CRACDL: variants seen among roughly 807,000 people sequenced by gnomAD.
The protein encoded by CRACDL is CRACD-like protein.
In CRACDL, 26 loss-of-function variants were observed where a neutral mutation model predicts 70.6. The observed-to-expected ratio is 0.37, with a 90% CI of 0.27 to 0.51. CRACDL has a LOEUF of 0.51. Among genes scored for constraint, CRACDL ranks in the 20% least tolerant of loss-of-function variants. The pLI is 0.94. For missense variants in CRACDL, 1,283 were observed against 1,376.9 expected (o/e 0.93, Z 1.08); for synonymous variants, 618 against 615.2 (o/e 1.00, Z -0.07).
chr2:98,888,577 C>A (rs1707857246), intron 1 of CRACDL, among the ~76,000 whole-genome samples: 1 of 152,008 alleles, frequency 6.6e-6, no homozygotes, highest in African/African-American at 2.4e-5. Context: ...TGTTGAACAT[C>A]AAAGGAGCAA....
chr2:98,919,344 T>C (rs944549731), intron 1 of CRACDL, among the ~76,000 whole-genome samples: 1 of 152,170 alleles, frequency 6.6e-6, no homozygotes, highest in East Asian at 1.9e-4. Context: ...TTCAGGACAA[T>C]TTTTTCCTTT....
chr2:98,849,876 C>A (rs77169526), intron 1 of CRACDL, among the ~76,000 whole-genome samples: 1,905 of 152,270 alleles, frequency 0.013, 92 homozygotes, highest in East Asian at 0.08. Context: ...GGGGTGGCAT[C>A]TTCACCCTAC....
rs75914802 is a variant in CRACDL at position 98,809,379 on chromosome 2, G to C, written c.2417-11842C>G. Among the ~76,000 whole-genome samples, 109 of 152,144 alleles carry C rather than the reference G, an allele frequency of 7.2e-4. 1 individual carries two copies. In the East Asian group the frequency reaches 0.019, roughly 26 times the overall value. On this transcript the variant is annotated intron_variant, in intron 7 of 9. Transcript: ENST00000397899. The stretch of plus-strand genomic sequence containing the variant: ...CTTGTCCTCTTGGCTGGCTCCCCAT[G>C]TGGGGCTCTGGGAGCACAAGTGGGT...
chr2:98,898,778 C>T (rs762317354), intron 1 of CRACDL, among the ~76,000 whole-genome samples: 27 of 152,312 alleles, frequency 1.8e-4, no homozygotes, highest in Admixed American at 3.3e-4. Flanking sequence ...ACAGAGCCGC[C>T]GCCGCTGTGT....
intron 1 of CRACDL, among the ~76,000 whole-genome samples, chr2:98,915,599 C>T (rs1016583167): frequency 6.6e-6 from 1 of 152,012 alleles, no homozygotes; most frequent in Admixed American, 6.6e-5. Flanking sequence ...ACGAGAGCCA[C>T]AGAGTGATGG....
At chr2:98,831,757 C>A (rs756355399) in intron 5 of CRACDL, among the ~76,000 whole-genome samples, 1 of 152,262 alleles carries the variant, frequency 6.6e-6, no homozygotes, top group Admixed American at 6.5e-5. Flanking sequence ...TTCCTCGGGG[C>A]CCCCCTCTTG....
Position 98,916,201 on chromosome 2 carries a change from C to A in CRACDL, c.-11+19737G>T, listed in dbSNP as rs534942108. On this transcript the variant is annotated intron_variant, in intron 1 of 9. Coordinates refer to ENST00000397899, the MANE Select transcript of CRACDL (RefSeq NM_207362.3). ...AGGAAGAAACCACTGACACACACAA[C>A]TACATGGATGAATCACAAAATAATC... 2.6e-5 allele frequency among the ~76,000 whole-genome samples: 4 copies of A among 152,352 alleles called. No individual in the cohort carries two copies. The East Asian group carries it at 7.7e-4, about 29-fold the overall frequency.
At chr2:98,921,313 G>C (rs577584721) in intron 1 of CRACDL, among the ~76,000 whole-genome samples, 1 of 152,222 alleles carries the variant, frequency 6.6e-6, no homozygotes, top group Non-Finnish European at 1.5e-5. Context: ...AAGTGGTGCC[G>C]ATACTGGGCC....
intron 1 of CRACDL, among the ~76,000 whole-genome samples, chr2:98,895,418 TAC>T: frequency 6.6e-6 from 1 of 152,198 alleles, no homozygotes; most frequent in East Asian, 1.9e-4. Context: ...ACGGAAAACA[TAC>T]CAGACAAATA....
intron 1 of CRACDL, among the ~76,000 whole-genome samples, chr2:98,890,896 A>G (rs1254144468): frequency 2.0e-5 from 3 of 151,754 alleles, no homozygotes; most frequent in Admixed American, 2.0e-4. Flanking sequence ...GTCTCTACCA[A>G]AAATACAAAA....
intron 1 of CRACDL, among the ~76,000 whole-genome samples, chr2:98,904,688 C>T (rs1708361460): frequency 6.6e-6 from 1 of 152,146 alleles, no homozygotes; most frequent in Non-Finnish European, 1.5e-5. Flanking sequence ...CATGTGGGCC[C>T]CCTCACTGCT....
intron 1 of CRACDL, among the ~76,000 whole-genome samples, chr2:98,854,675 T>G (rs1038748525): frequency 1.3e-5 from 2 of 152,150 alleles, no homozygotes; most frequent in Non-Finnish European, 2.9e-5. Flanking sequence ...GGCAAATGAT[T>G]TGAAATATAT....
intron 1 of CRACDL, among the ~76,000 whole-genome samples, chr2:98,905,681 T>C (rs1376438798): frequency 2.0e-5 from 3 of 149,876 alleles, no homozygotes; most frequent in Non-Finnish European, 4.4e-5. Flanking sequence ...CAGGCTAGAG[T>C]GCAGTGGCAC....
intron 3 of CRACDL, among the ~76,000 whole-genome samples, chr2:98,837,084 C>T: frequency 8.4e-6 from 1 of 118,618 alleles, no homozygotes; most frequent in East Asian, 2.6e-4. Context: ...GACTCCGTCT[C>T]AAAAAAAAAA....
chr2:98,823,051 C>CATTCAA lies in CRACDL; in HGVS notation c.1221_1222insTTGAAT (p.Pro407_Glu408insLeuAsn). The CATTCAA allele has an allele frequency of 6.4e-7, 1 of 1,551,946 alleles. No individual in the cohort carries two copies. The highest frequency in any genetic ancestry group is 8.7e-7 in the Non-Finnish European group (1 of 1,149,894). On this transcript the variant is annotated inframe_insertion, in exon 7 of 10. Transcript: ENST00000397899. The surrounding 1 kb of genome is among the most constrained non-coding windows in gnomAD (Gnocchi z 4.0). ...GTCTCGGGGGGAGTCGTGTCCCCCTCAGGGATGGCGGTGGGAAACGGGCTC... is the reference window on the plus strand; with the variant it reads ...GTCTCGGGGGGAGTCGTGTCCCCCTCATTCAAAGGGATGGCGGTGGGAAACGGGCTC...
chr2:98,811,287 G>A (rs1461147846), intron 7 of CRACDL, among the ~76,000 whole-genome samples: 9 of 151,656 alleles, frequency 5.9e-5, no homozygotes, highest in East Asian at 1.9e-4. Flanking sequence ...TGAGGTGGGC[G>A]GATCACGAGG....
chr2:98,807,718 T>G (rs889862496), intron 7 of CRACDL, among the ~76,000 whole-genome samples: 1 of 152,282 alleles, frequency 6.6e-6, no homozygotes, highest in Non-Finnish European at 1.5e-5. Context: ...ACGTTAATAC[T>G]TGGCACTTAG....
At chr2:98,928,574 C>T (rs1021598476) in intron 1 of CRACDL, among the ~76,000 whole-genome samples, 9 of 151,916 alleles carry the variant, frequency 5.9e-5, no homozygotes, top group Admixed American at 1.3e-4. Flanking sequence ...CCTCCCCTAC[C>T]GAGGGTCCAG....
chr2:98,906,036 T>C (rs1708404157), intron 1 of CRACDL, among the ~76,000 whole-genome samples: 1 of 151,976 alleles, frequency 6.6e-6, no homozygotes, highest in Non-Finnish European at 1.5e-5. Flanking sequence ...TTGGCCCCAA[T>C]CTCCCTCTCA....
Sources: gnomAD v4.1 joint callset for allele counts (sites outside exome capture counted in the v4.1 genomes callset) on GRCh38, gnomAD v4.1.1 for gene constraint, Gnocchi (gnomAD v3.1) non-coding constraint, MANE v1.5 for transcripts, NCBI Gene and HGNC (gene_info 2026-07-23, HGNC 2026-07-21) for gene names.